Variants in ADAMTS17 observed in about 807,000 individuals in gnomAD.
ADAMTS17 encodes the protein A disintegrin and metalloproteinase with thrombospondin motifs 17.
In ADAMTS17, 113 loss-of-function variants were observed where a neutral mutation model predicts 141.5. The observed-to-expected ratio is 0.80, with a 90% CI of 0.69 to 0.93. The LOEUF (loss-of-function observed/expected upper bound fraction) is 0.93, where lower values mean the gene tolerates loss of function less well. ADAMTS17 is among the 40% of genes least tolerant of loss of function. The pLI is 0.00. For synonymous variants in ADAMTS17, 768 were observed against 630.6 expected (o/e 1.22, Z -3.27); for missense variants, 1,659 against 1,517.9 (o/e 1.09, Z -1.54).
intron 3 of ADAMTS17, among the ~76,000 whole-genome samples, chr15:100,292,248 G>A (rs1251120466): frequency 2.0e-5 from 3 of 151,844 alleles, no homozygotes; most frequent in African/African-American, 7.3e-5. Flanking sequence ...CTCACCCCGT[G>A]AGAAACTATG....
intron 18 of ADAMTS17, among the ~76,000 whole-genome samples, chr15:100,018,705 T>C (rs937596485): frequency 1.3e-5 from 2 of 152,208 alleles, no homozygotes; most frequent in Admixed American, 6.5e-5. Flanking sequence ...CAGTCTCAGG[T>C]AGTTCTTTGC....
intron 10 of ADAMTS17, among the ~76,000 whole-genome samples, chr15:100,138,783 C>T (rs765495836): frequency 3.3e-5 from 5 of 152,150 alleles, no homozygotes; most frequent in South Asian, 2.1e-4. Flanking sequence ...CACTTAGGGG[C>T]GGGAGGCAGT....
intron 17 of ADAMTS17, among the ~76,000 whole-genome samples, chr15:100,050,444 G>A (rs2032052300): frequency 6.6e-6 from 1 of 152,202 alleles, no homozygotes; most frequent in Non-Finnish European, 1.5e-5. Context: ...GGGGAGAGGT[G>A]CAGAGTGGAG....
At chr15:99,990,868 A>C (rs920776707) in intron 20 of ADAMTS17, among the ~76,000 whole-genome samples, 2 of 152,218 alleles carry the variant, frequency 1.3e-5, no homozygotes, top group Non-Finnish European at 2.9e-5. Flanking sequence ...ATAATGCCAC[A>C]CATCTACAAC....
chr15:100,282,522 G>A (rs2044318314), intron 3 of ADAMTS17, among the ~76,000 whole-genome samples: 1 of 152,148 alleles, frequency 6.6e-6, no homozygotes, highest in South Asian at 2.1e-4. Flanking sequence ...TTAACGAATG[G>A]AATCATAACA....
At chr15:100,320,138 C>T (rs951589258) in intron 3 of ADAMTS17, among the ~76,000 whole-genome samples, 1 of 151,894 alleles carries the variant, frequency 6.6e-6, no homozygotes, top group Non-Finnish European at 1.5e-5. Context: ...ACTGAGAAAC[C>T]GATGACAGGA....
At chr15:100,216,561 C>CTG (rs2041974268) in intron 7 of ADAMTS17, among the ~76,000 whole-genome samples, 1 of 152,250 alleles carries the variant, frequency 6.6e-6, no homozygotes. Flanking sequence ...TGGAACCGCA[C>CTG]TGTGCCTCCT....
chr15:100,132,073 C>T lies in ADAMTS17; in HGVS notation c.1655G>A (p.Trp552Ter). 6.2e-7 allele frequency: 1 copy of T among 1,614,192 alleles called. No homozygotes were observed. The highest frequency in any genetic ancestry group is 8.5e-7 in the Non-Finnish European group (1 of 1,180,034). ...CCCACATGTTCGGCTGCACATGCTC[C>T]AGGCGCCCCACGGGCTCCAGTCTCC... is the stretch of plus-strand genomic sequence containing the variant. ...VDGDWSPWGA[W>*]SMCSRTCGTG... is the part of the protein sequence containing the mutation. Residue 552 changes from tryptophan (W) to a stop codon, truncating the protein, a stop_gained, in exon 12 of 22, where the codon TGG becomes TAG. Coordinates refer to ENST00000268070, the MANE Select transcript of ADAMTS17 (RefSeq NM_139057.4). LOFTEE classifies it high-confidence loss of function.
rs116039885 is a variant in ADAMTS17 at position 100,264,797 on chromosome 15, G to A, written c.790-2362C>T. ...GATGGAAGGGGGATGGGAAAGTTTC[G>A]TGTTCCAGGGGCTGGGGGGAGGCAA... On this transcript the variant is annotated intron_variant, in intron 4 of 21. Coordinates refer to ENST00000268070, the MANE Select transcript of ADAMTS17 (RefSeq NM_139057.4). Among the ~76,000 whole-genome samples the A allele has an allele frequency of 6.5e-3, 991 of 152,022 alleles. 8 individuals carry two copies. The highest frequency in any genetic ancestry group is 0.023 in the African/African-American group (957 of 41,418).
intron 4 of ADAMTS17, among the ~76,000 whole-genome samples, chr15:100,271,152 G>T (rs1280745346): frequency 6.6e-6 from 1 of 152,096 alleles, no homozygotes; most frequent in Non-Finnish European, 1.5e-5. Context: ...TCCATCTGTG[G>T]ACACTTTGGG....
chr15:100,125,520 A>C (rs1292785807), intron 12 of ADAMTS17, among the ~76,000 whole-genome samples: 1 of 151,700 alleles, frequency 6.6e-6, no homozygotes, highest in African/African-American at 2.4e-5. Context: ...CCAGCTCTGC[A>C]CTCCACTCTC....
At chr15:100,291,335 A>T (rs1253618372) in intron 3 of ADAMTS17, among the ~76,000 whole-genome samples, 1 of 152,254 alleles carries the variant, frequency 6.6e-6, no homozygotes, top group Non-Finnish European at 1.5e-5. Flanking sequence ...ATTGTTAAAA[A>T]GTAAAAAACT....
chr15:100,234,780 T>C (rs1230753561), intron 7 of ADAMTS17, among the ~76,000 whole-genome samples: 1 of 152,130 alleles, frequency 6.6e-6, no homozygotes, highest in Non-Finnish European at 1.5e-5. Context: ...AACCTTCCAT[T>C]CCATCAGCAG....
intron 15 of ADAMTS17, among the ~76,000 whole-genome samples, chr15:100,063,217 T>G (rs1227964814): frequency 6.6e-6 from 1 of 152,210 alleles, no homozygotes; most frequent in East Asian, 1.9e-4. Flanking sequence ...GAAATTGGTA[T>G]CCTTCTGGGT....
chr15:100,031,389 T>C (rs1360508123), intron 18 of ADAMTS17, among the ~76,000 whole-genome samples: 4 of 152,234 alleles, frequency 2.6e-5, no homozygotes, highest in Admixed American at 2.0e-4. Flanking sequence ...ATTTAAAATA[T>C]GTCTGCAGAA....
intron 7 of ADAMTS17, among the ~76,000 whole-genome samples, chr15:100,243,537 C>T (rs577901417): frequency 1.8e-3 from 275 of 152,248 alleles, no homozygotes; most frequent in Middle Eastern, 6.8e-3. Flanking sequence ...CGCCAGTAAT[C>T]CTAATACTTT....
At chr15:100,126,056 A>T (rs1389829744) in intron 12 of ADAMTS17, 4 of 152,328 alleles carry the variant, frequency 2.6e-5, no homozygotes, top group African/African-American at 9.6e-5. Flanking sequence ...CGGGGAGAGG[A>T]CGTTGTTTTC....
At chr15:100,299,515 A>T (rs200786410) in intron 3 of ADAMTS17, among the ~76,000 whole-genome samples, 15,410 of 139,720 alleles carry the variant, frequency 0.11, 1,256 homozygotes, top group East Asian at 0.31. Context: ...ATGGAAAAGA[A>T]AAAAAAAAAA....
intron 13 of ADAMTS17, 88 bp from the exon 14 acceptor site, chr15:100,109,204 C>T: frequency 6.5e-7 from 1 of 1,541,578 alleles, no homozygotes; most frequent in Middle Eastern, 1.7e-4. Context: ...GAGGGAAACC[C>T]TGAGGAAGAG....
Sources: gnomAD v4.1 joint callset for allele counts (sites outside exome capture counted in the v4.1 genomes callset) on GRCh38, gnomAD v4.1.1 for gene constraint, MANE v1.5 for transcripts, NCBI Gene and HGNC (gene_info 2026-07-23, HGNC 2026-07-21) for gene names.